The following LAMA3 variants were observed in gnomAD, a reference collection of about 807,000 sequenced individuals.
LAMA3 encodes laminin subunit alpha 3.
LAMA3 carries 281 observed loss-of-function variants against 402.0 expected under a neutral mutation model. The ratio of observed to expected loss-of-function variants is 0.70; its 90% CI spans 0.63 to 0.77. The LOEUF (loss-of-function observed/expected upper bound fraction) is 0.77. Among genes scored for constraint, LAMA3 ranks in the 30% least tolerant of loss-of-function variants. The pLI is 0.00. For missense variants in LAMA3, 3,840 were observed against 4,215.5 expected, an observed-to-expected ratio of 0.91 and a Z score of 2.47; for synonymous variants, 1,431 against 1,558.4, an observed-to-expected ratio of 0.92 and a Z score of 1.93.
intron 10 of LAMA3, 75 bp downstream of exon 10, chr18:23,775,998 A>T: frequency 2.0e-6 from 3 of 1,497,252 alleles, no homozygotes; most frequent in Non-Finnish European, 2.8e-6. Context: ...CCTCTGAGGC[A>T]TGGTGGACAG....
At chr18:23,894,798 C>A in intron 43 of LAMA3, 109 bp from the exon 44 acceptor site, 1 of 1,390,968 alleles carries the variant, frequency 7.2e-7, no homozygotes, top group Admixed American at 1.7e-5. Context: ...GTGGTTGTCA[C>A]CCGTGACGAT....
chr18:23,814,808 A>G (rs1303043408), intron 15 of LAMA3, among the ~76,000 whole-genome samples: 1 of 152,206 alleles, frequency 6.6e-6, no homozygotes, highest in Non-Finnish European at 1.5e-5. Context: ...TTTTATGCTT[A>G]TATCAGAGCC....
chr18:23,905,839 A>T (rs1442918528), intron 52 of LAMA3, among the ~76,000 whole-genome samples: 2 of 152,084 alleles, frequency 1.3e-5, no homozygotes, highest in Non-Finnish European at 2.9e-5. Context: ...ATCATAGCTC[A>T]CTGTAGCTTT....
intron 41 of LAMA3, among the ~76,000 whole-genome samples, chr18:23,886,546 G>A (rs1456154421): frequency 6.6e-6 from 1 of 151,914 alleles, no homozygotes; most frequent in Non-Finnish European, 1.5e-5. Flanking sequence ...GGATGCTGAG[G>A]TAGGAGAACC....
chr18:23,825,403 C>T (rs928311600), intron 21 of LAMA3, among the ~76,000 whole-genome samples: 4 of 152,206 alleles, frequency 2.6e-5, no homozygotes, highest in African/African-American at 7.2e-5. Flanking sequence ...GCTTTTCCTT[C>T]AGGCACAACC....
intron 1 of LAMA3, among the ~76,000 whole-genome samples, chr18:23,712,419 T>C (rs927871354): frequency 1.3e-5 from 2 of 151,270 alleles, no homozygotes; most frequent in African/African-American, 2.4e-5. Flanking sequence ...AGCACCATAT[T>C]ATGACAATGC....
At chr18:23,886,432 G>A (rs1448863537) in intron 41 of LAMA3, among the ~76,000 whole-genome samples, 1 of 152,128 alleles carries the variant, frequency 6.6e-6, no homozygotes, top group Non-Finnish European at 1.5e-5. Flanking sequence ...ATGTGATCCA[G>A]AGGTTAGAGA....
chr18:23,835,052 G>A (rs1333611529), intron 24 of LAMA3, among the ~76,000 whole-genome samples: 1 of 152,198 alleles, frequency 6.6e-6, no homozygotes, highest in Non-Finnish European at 1.5e-5. Flanking sequence ...GGGATGTTCT[G>A]TCATTATCTG....
intron 41 of LAMA3, among the ~76,000 whole-genome samples, chr18:23,885,140 C>T (rs1436005469): frequency 6.7e-6 from 1 of 149,154 alleles, no homozygotes; most frequent in East Asian, 2.0e-4. Context: ...TGTACCTCAA[C>T]CCCCGACACC....
At chr18:23,815,055 C>T in intron 15 of LAMA3, 133 bp from the exon 16 acceptor site, 2 of 784,814 alleles carry the variant, frequency 2.5e-6, no homozygotes, top group Non-Finnish European at 2.2e-6. Flanking sequence ...CTCAGCGATG[C>T]AAACTCTCAT....
intron 34 of LAMA3, 152 bp downstream of exon 34, chr18:23,858,981 G>A: frequency 1.2e-6 from 1 of 809,144 alleles, no homozygotes; most frequent in South Asian, 1.4e-5. Flanking sequence ...TGTTCAGAGG[G>A]GCTTTCCTTC....
intron 67 of LAMA3, among the ~76,000 whole-genome samples, chr18:23,934,419 G>A (rs554081726): frequency 4.6e-5 from 7 of 152,264 alleles, no homozygotes; most frequent in Admixed American, 3.9e-4. Context: ...TTAGATGCTC[G>A]TGGAGTGGGT....
At chr18:23,934,206 T>C (rs1237555122) in intron 67 of LAMA3, among the ~76,000 whole-genome samples, 4 of 152,244 alleles carry the variant, frequency 2.6e-5, no homozygotes, top group Admixed American at 6.5e-5. Flanking sequence ...GTCTTGCTGT[T>C]TTAACATTTC....
Position 23,881,955 on chromosome 18 carries a change from C to T in LAMA3, c.5132C>T (p.Ala1711Val), listed in dbSNP as rs372471146. The T allele has an allele frequency of 3.6e-5, 58 of 1,613,626 alleles. No individual in the cohort carries two copies. In the African/African-American group the frequency reaches 3.7e-4, roughly 10 times the overall value. The change falls in exon 40 of 75, where the codon GCG (alanine) becomes GTG (valine). Residue 1711 changes from alanine to valine, a missense_variant. Physicochemically the swap from Ala to Val is moderately conservative, Grantham distance 64. This residue lies in a region of LAMA3 where 2,109 missense variants were observed against 2,376.0 expected (regional missense o/e 0.89). Coordinates refer to ENST00000313654, the MANE Select transcript of LAMA3 (RefSeq NM_198129.4). ...GICVNCQHNT[A>V]GEHCERCQEG... ...CCCCAGAACTGTCAGCACAACACCG[C>T]GGGAGAGCACTGTGAACGCTGCCAG...
At chr18:23,774,792 T>C (rs1266542210) in intron 9 of LAMA3, among the ~76,000 whole-genome samples, 1 of 152,236 alleles carries the variant, frequency 6.6e-6, no homozygotes, top group Non-Finnish European at 1.5e-5. Context: ...TTTACTTCTC[T>C]CTAGGGCATT....
intron 32 of LAMA3, among the ~76,000 whole-genome samples, chr18:23,854,252 A>G (rs1355078941): frequency 6.6e-6 from 1 of 152,250 alleles, no homozygotes; most frequent in East Asian, 1.9e-4. Flanking sequence ...CAGGCCAGTC[A>G]TGATTTTGCT....
intron 18 of LAMA3, among the ~76,000 whole-genome samples, chr18:23,817,506 G>A (rs1298270904): frequency 6.6e-6 from 1 of 152,100 alleles, no homozygotes; most frequent in Non-Finnish European, 1.5e-5. Flanking sequence ...GAGGCCAGGA[G>A]TTTAAGACCA....
intron 8 of LAMA3, among the ~76,000 whole-genome samples, chr18:23,767,969 A>G (rs1568163693): frequency 6.6e-6 from 1 of 152,178 alleles, no homozygotes; most frequent in Non-Finnish European, 1.5e-5. Context: ...CATATATTAT[A>G]CAATAATTAA....
intron 25 of LAMA3, among the ~76,000 whole-genome samples, chr18:23,837,711 A>G (rs1329347146): frequency 6.6e-6 from 1 of 151,404 alleles, no homozygotes; most frequent in Non-Finnish European, 1.5e-5. Context: ...GGATCTCACT[A>G]GAAAGGAGGT....
Sources: gnomAD v4.1 joint callset for allele counts (sites outside exome capture counted in the v4.1 genomes callset) on GRCh38, gnomAD v4.1.1 for gene constraint, gnomAD v4.1.1 regional missense constraint, MANE v1.5 for transcripts, NCBI Gene and HGNC (gene_info 2026-07-23, HGNC 2026-07-21) for gene names.